The following FBLN1 variants were observed in gnomAD, a reference collection of about 807,000 sequenced individuals.
FBLN1 encodes fibulin-1.
In FBLN1, 34 loss-of-function variants were observed where a neutral mutation model predicts 89.7. The observed-to-expected ratio is 0.38, with a 90% CI of 0.29 to 0.50. The LOEUF (loss-of-function observed/expected upper bound fraction) is 0.50, where lower values mean the gene tolerates loss of function less well. FBLN1 is among the 20% of genes least tolerant of loss of function. The probability of loss-of-function intolerance (pLI) is 0.92; values close to 1 mark genes in which losing one functional copy is unlikely to be tolerated. For synonymous variants in FBLN1, 393 were observed against 391.3 expected (o/e 1.00, Z -0.05); for missense variants, 777 against 988.1 (o/e 0.79, Z 2.86).
rs1251032135 is a variant in FBLN1, at chr22:45,581,795, G to A, written c.1972+4687G>A. Among the ~76,000 whole-genome samples the A allele has an allele frequency of 2.6e-5, 4 of 152,102 alleles. No individual in the cohort carries two copies. Among genetic ancestry groups the A allele is most frequent in the Admixed American group, 6.5e-5 (1 of 15,282 alleles). Reference sequence around the variant, plus strand: ...GTGGGACACCCAAACTCACAGCCACGTCTGTGGCTGGCCCATGAACAGCGC... The same window carrying A: ...GTGGGACACCCAAACTCACAGCCACATCTGTGGCTGGCCCATGAACAGCGC... On this transcript the variant is annotated intron_variant, in intron 16 of 16. Transcript: ENST00000327858. This position sits in a 1 kb window ranked among gnomAD's most constrained non-coding sequence, Gnocchi z 7.6.
chr22:45,507,032 G>C (rs73443301), intron 1 of FBLN1, among the ~76,000 whole-genome samples: 15,917 of 152,226 alleles, frequency 0.1, 1,115 homozygotes, highest in African/African-American at 0.19. Flanking sequence ...GGCCCTATAA[G>C]TAAACAGGGT....
At position 45,510,290 on chromosome 22, in the gene FBLN1, T is replaced by C. The variant is rs115978373; in HGVS notation, c.79+7226T>C. ...CGGCTTTGTAGAGGTCCCTGGATCC[T>C]GCTTTGCTTTCACCCTATTTTGTTG... On this transcript the variant is annotated intron_variant, in intron 1 of 16. Coordinates refer to ENST00000327858, the MANE Select transcript of FBLN1 (RefSeq NM_006486.3). 6.8e-3 allele frequency among the ~76,000 whole-genome samples: 1,033 copies of C among 152,298 alleles called. 10 individuals are homozygous for C. Among genetic ancestry groups the C allele is most frequent in the African/African-American group, 0.021 (866 of 41,558 alleles).
In FBLN1 at chr22:45,535,387, G is replaced by A. The variant is rs370239206; in HGVS notation, c.922+50G>A. 46 of 1,608,246 alleles carry A rather than the reference G, an allele frequency of 2.9e-5. No homozygotes were observed. The African/African-American group carries it at 3.1e-4, about 11-fold the overall frequency. On this transcript the variant is annotated intron_variant, in intron 8 of 16. Transcript: ENST00000327858. ...GCGGGTTATTCCAGGAGGGGCCAGC[G>A]ACCTAGCCTTGGGGCAGGCCTCTAG...
In FBLN1 at chr22:45,512,107, G is replaced by T. The variant is rs558612647; in HGVS notation, c.80-6575G>T. Among the ~76,000 whole-genome samples, 90 of 151,890 alleles carry T rather than the reference G, an allele frequency of 5.9e-4. 2 individuals carry two copies. In the South Asian group the frequency reaches 0.019, roughly 31 times the overall value. ...CAGCGAGTGCCTGTTCTGCTTGGGT[G>T]GGTGTCCAGTGTGGTACTGGTCAGA... On this transcript the variant is annotated intron_variant, in intron 1 of 16. Transcript: ENST00000327858.
chr22:45,523,374 A>G (rs957701438), intron 2 of FBLN1, among the ~76,000 whole-genome samples: 3 of 152,260 alleles, frequency 2.0e-5, no homozygotes, highest in Admixed American at 2.0e-4. Flanking sequence ...TGCCTGGGAC[A>G]CTTGATTGCT....
Position 45,597,753 on chromosome 22 carries a change from G to C in FBLN1, c.1973-2554G>C, listed in dbSNP as rs1023962930. ...ATGTCATCACCAGGTAGCAGGCAGA[G>C]CAAGGGTGCTGACAGCCTGCAGAAG... On this transcript the variant is annotated intron_variant, in intron 16 of 16. Coordinates refer to ENST00000327858, the MANE Select transcript of FBLN1 (RefSeq NM_006486.3). This position sits in a 1 kb window ranked among gnomAD's most constrained non-coding sequence, Gnocchi z 4.2. 4.6e-5 allele frequency among the ~76,000 whole-genome samples: 7 copies of C among 152,230 alleles called. No homozygotes were observed. Among genetic ancestry groups the C allele is most frequent in the African/African-American group, 1.7e-4 (7 of 41,460 alleles).
At position 45,518,712 on chromosome 22, in the gene FBLN1, G is replaced by A; in HGVS notation, c.110G>A (p.Cys37Tyr). Residue 37 changes from cysteine to tyrosine, a missense_variant, in exon 2 of 17, where the codon TGT (cysteine) becomes TAT (tyrosine). Transcript: ENST00000327858. ...GCGGATGTCCTCCTGGAGGCCTGCT[G>A]TGCGGACGGACACCGGATGGCCACT... The part of the protein sequence containing the change: ...VDADVLLEAC[C>Y]ADGHRMATHQ... The A allele has an allele frequency of 6.2e-7, 1 of 1,611,202 alleles. No individual in the cohort carries two copies.
intron 4 of FBLN1, among the ~76,000 whole-genome samples, 177 bp downstream of exon 4, chr22:45,528,186 A>G (rs1224787145): frequency 6.6e-6 from 1 of 152,160 alleles, no homozygotes; most frequent in Non-Finnish European, 1.5e-5. Context: ...AAGGAGGGGC[A>G]TTGCAGCTGG....
intron 16 of FBLN1, among the ~76,000 whole-genome samples, chr22:45,582,083 A>G (rs1422444371): frequency 6.6e-6 from 1 of 152,164 alleles, no homozygotes; most frequent in African/African-American, 2.4e-5. Flanking sequence ...AGGTAAGAAG[A>G]CTGAGGCCGG....
chr22:45,563,453 C>G lies in FBLN1; in HGVS notation c.1698-11058C>G, dbSNP rs2088874126. The G allele has an allele frequency of 7.6e-7, 1 of 1,315,456 alleles. No individual in the cohort carries two copies. The allele number at this position is 1,315,456 out of a possible 1,614,324, so 81.5% of individuals were successfully genotyped here. A position where few individuals can be genotyped will look rare whatever the true frequency, so the allele number is the denominator to read the frequency against. On this transcript the variant is annotated intron_variant, in intron 14 of 16. Coordinates refer to ENST00000327858, the MANE Select transcript of FBLN1 (RefSeq NM_006486.3). This position sits in a 1 kb window ranked among gnomAD's most constrained non-coding sequence, Gnocchi z 5.7. ...GCTGGGCACTGGCCACCGCCTGGTA[C>G]CCCCGAGGGCTGACTGAGGAGCGCT...
chr22:45,569,452 C>T (rs1246684228), intron 14 of FBLN1, among the ~76,000 whole-genome samples: 1 of 151,988 alleles, frequency 6.6e-6, no homozygotes, highest in African/African-American at 2.4e-5. Context: ...CAGCCTGGTC[C>T]ACATGGTGAA....
At chr22:45,526,827 G>A (rs894363320) in intron 3 of FBLN1, among the ~76,000 whole-genome samples, 2 of 146,778 alleles carry the variant, frequency 1.4e-5, no homozygotes, top group African/African-American at 2.5e-5. Flanking sequence ...GACTGCCCCC[G>A]CACCCTCCCA....
intron 16 of FBLN1, among the ~76,000 whole-genome samples, chr22:45,582,999 C>T (rs1308996899): frequency 6.6e-6 from 1 of 152,188 alleles, no homozygotes; most frequent in Non-Finnish European, 1.5e-5. Flanking sequence ...TTGGAATCAC[C>T]TGGTGCCTCC....
In FBLN1 at chr22:45,541,468, A is replaced by G. The variant is rs146271247; in HGVS notation, c.1066+96A>G. On this transcript the variant is annotated intron_variant, in intron 9 of 16. Transcript: ENST00000327858. The stretch of plus-strand genomic sequence containing the variant: ...GAAGCAGAAAGTTGATCCCCAAAGC[A>G]AAGCCATTTCTATCAGCCCATCCAT... 756 of 1,497,934 alleles carry G rather than the reference A, an allele frequency of 5.0e-4. 2 individuals carry two copies. In the African/African-American group the frequency reaches 9.0e-3, roughly 18 times the overall value. 92.8% of individuals were successfully genotyped at this position (1,497,934 alleles called of 1,614,324 possible).
intron 11 of FBLN1, 28 bp downstream of exon 11, chr22:45,543,554 T>A: frequency 6.2e-7 from 1 of 1,609,204 alleles, no homozygotes; most frequent in Admixed American, 1.7e-5. Context: ...TCCACTCACC[T>A]CCCCCAGGTC....
In FBLN1 at chr22:45,576,958, C is replaced by T. The variant is rs1297155440; in HGVS notation, c.1841-19C>T. ...GGGCCAGGCTGTGCTGAGCCCTTCT[C>T]CATTCTGTGCCTCTGCAGAGATCAT... On this transcript the variant is annotated intron_variant, in intron 15 of 16. Coordinates refer to ENST00000327858, the MANE Select transcript of FBLN1 (RefSeq NM_006486.3). This position sits in a 1 kb window ranked among gnomAD's most constrained non-coding sequence, Gnocchi z 5.2. 6.2e-7 allele frequency: 1 copy of T among 1,613,418 alleles called. No homozygotes were observed. The highest frequency in any genetic ancestry group is 1.7e-5 in the Admixed American group (1 of 60,028).
rs1272919422 is a variant in FBLN1, at chr22:45,537,676, C to T, written c.922+2339C>T. 6.6e-6 allele frequency among the ~76,000 whole-genome samples: 1 copy of T among 152,032 alleles called. No individual in the cohort carries two copies. Among genetic ancestry groups the T allele is most frequent in the African/African-American group, 2.4e-5 (1 of 41,404 alleles). On this transcript the variant is annotated intron_variant, in intron 8 of 16. Transcript: ENST00000327858. The surrounding 1 kb of genome is among the most constrained non-coding windows in gnomAD (Gnocchi z 5.7). ...GAACAGTGAGCCCTTAGGACAGGGG[C>T]CTCGTCTGAAACCCGCCCCAGCCTT...
chr22:45,595,956 G>A (rs62225058), intron 16 of FBLN1, among the ~76,000 whole-genome samples: 17 of 152,034 alleles, frequency 1.1e-4, no homozygotes, highest in Non-Finnish European at 1.5e-4. Context: ...TACAACCTCC[G>A]CCTCCTGGAT....
intron 8 of FBLN1, 80 bp from the exon 9 acceptor site, chr22:45,541,149 G>A (rs1042447059): frequency 1.3e-6 from 2 of 1,585,628 alleles, no homozygotes; most frequent in Non-Finnish European, 8.7e-7. Context: ...GGGAAGGGGA[G>A]TTTCTTTGGA....
Sources: gnomAD v4.1 joint callset for allele counts (sites outside exome capture counted in the v4.1 genomes callset) on GRCh38, gnomAD v4.1.1 for gene constraint, Gnocchi (gnomAD v3.1) non-coding constraint, MANE v1.5 for transcripts, NCBI Gene and HGNC (gene_info 2026-07-23, HGNC 2026-07-21) for gene names.